Variants in ADCY1 observed in about 807,000 individuals in gnomAD.
ADCY1 encodes the protein adenylate cyclase type 1.
A neutral mutation model predicts 105.4 loss-of-function variants in ADCY1; 28 were observed. The ratio of observed to expected loss-of-function variants is 0.27; its 90% CI spans 0.20 to 0.36. The LOEUF is 0.36. ADCY1 is among the 10% of genes least tolerant of loss of function. The pLI is 1.00. For synonymous variants in ADCY1, 655 were observed against 623.8 expected (o/e 1.05, Z -0.75); for missense variants, 977 against 1,434.2 (o/e 0.68, Z 5.15).
At chr7:45,643,890 C>A (rs1794589066) in intron 4 of ADCY1, among the ~76,000 whole-genome samples, 1 of 152,186 alleles carries the variant, frequency 6.6e-6, no homozygotes, top group South Asian at 2.1e-4. Flanking sequence ...CCTCAGTCCT[C>A]CCCTGAGGCA....
intron 5 of ADCY1, 113 bp from the exon 6 acceptor site, chr7:45,657,614 C>A: frequency 8.6e-7 from 1 of 1,167,222 alleles, no homozygotes; most frequent in Non-Finnish European, 1.2e-6. Context: ...CCACATGCAG[C>A]AAGGACAAGA....
rs928709176 is a variant in ADCY1 at position 45,719,553 on chromosome 7, C to A, written c.*5558C>A. 2 of 152,172 alleles carry A rather than the reference C, an allele frequency of 1.3e-5. No homozygotes were observed. The highest frequency in any genetic ancestry group is 2.9e-5 in the Non-Finnish European group (2 of 68,034). 9.4% of individuals were successfully genotyped at this position (152,172 alleles called of 1,614,324 possible). A position where few individuals can be genotyped will look rare whatever the true frequency, so the allele number is the denominator to read the frequency against. ...CCCTGAAAATTTAATCTATTCTGTT[C>A]CATATGAAGTCTGTTTCACTACCTT... On this transcript the variant is annotated 3_prime_UTR_variant, in exon 20 of 20. Transcript: ENST00000297323.
intron 1 of ADCY1, among the ~76,000 whole-genome samples, chr7:45,588,672 C>T (rs886394594): frequency 1.3e-5 from 2 of 152,084 alleles, no homozygotes. Context: ...TCCTGCTCCT[C>T]CTGGCTGCCT....
In ADCY1 at chr7:45,583,937, G is replaced by GTTTTTTT. The variant is rs869216986; in HGVS notation, c.639+8777_639+8783dup. Among the ~76,000 whole-genome samples the GTTTTTTT allele has an allele frequency of 7.5e-3, 424 of 56,816 alleles. 25 individuals carry two copies. Among genetic ancestry groups the GTTTTTTT allele is most frequent in the East Asian group, 0.011 (15 of 1,386 alleles). The allele number at this position is 56,816 out of a possible 152,430, so 37.3% of individuals were successfully genotyped here. On this transcript the variant is annotated intron_variant, in intron 1 of 19. Transcript: ENST00000297323. ...TTACAGGCATGAGCCACTGTGCCCT[G>GTTTTTTT]TTTTTTTTTTTTTTTTTTTTTTTTT...
At chr7:45,696,675 G>A (rs528910517) in intron 14 of ADCY1, among the ~76,000 whole-genome samples, 4 of 152,258 alleles carry the variant, frequency 2.6e-5, no homozygotes, top group Admixed American at 1.3e-4. Flanking sequence ...TCCCCCGTAG[G>A]ATGGCCTCCC....
chr7:45,703,944 T>C lies in ADCY1; in HGVS notation c.2718+198T>C, dbSNP rs1163534964. ...GAGAGAAGGGGGTCTTGACTCTAGG[T>C]TGGGGGACCAGGGCCACTGGGTGGG... On this transcript the variant is annotated intron_variant, in intron 16 of 19. Coordinates refer to ENST00000297323, the MANE Select transcript of ADCY1 (RefSeq NM_021116.4). This position sits in a 1 kb window ranked among gnomAD's most constrained non-coding sequence, Gnocchi z 5.9. Among the ~76,000 whole-genome samples, 1 of 152,092 alleles carries C rather than the reference T, an allele frequency of 6.6e-6. No individual in the cohort carries two copies. Among genetic ancestry groups the C allele is most frequent in the East Asian group, 1.9e-4 (1 of 5,182 alleles).
At chr7:45,612,786 A>G (rs1562688533) in intron 3 of ADCY1, among the ~76,000 whole-genome samples, 1 of 152,224 alleles carries the variant, frequency 6.6e-6, no homozygotes, top group East Asian at 1.9e-4. Flanking sequence ...ATCTCTTGAT[A>G]GGTCTTGTAC....
chr7:45,653,109 G>A (rs1022211406), intron 5 of ADCY1, among the ~76,000 whole-genome samples: 2 of 152,226 alleles, frequency 1.3e-5, no homozygotes, highest in Non-Finnish European at 2.9e-5. Flanking sequence ...TTTGGGCCAG[G>A]TGGTTCCTGT....
intron 8 of ADCY1, among the ~76,000 whole-genome samples, chr7:45,666,532 G>A (rs1457570221): frequency 1.3e-5 from 2 of 152,178 alleles, no homozygotes; most frequent in African/African-American, 4.8e-5. Flanking sequence ...TGTCATTGTT[G>A]GACATTTGGG....
intron 2 of ADCY1, among the ~76,000 whole-genome samples, chr7:45,594,136 G>T (rs113913338): frequency 0.071 from 10,775 of 152,222 alleles, 387 homozygotes; most frequent in African/African-American, 0.083. Context: ...TTTGTAATCA[G>T]GTAGATGTGT....
intron 1 of ADCY1, among the ~76,000 whole-genome samples, chr7:45,578,010 G>A (rs1792399725): frequency 6.6e-6 from 1 of 152,210 alleles, no homozygotes; most frequent in African/African-American, 2.4e-5. Context: ...CCAAAGCAAG[G>A]CTCTCAGGGT....
chr7:45,698,896 C>G (rs1341949403), intron 14 of ADCY1, among the ~76,000 whole-genome samples: 5 of 152,144 alleles, frequency 3.3e-5, no homozygotes, highest in African/African-American at 1.2e-4. Context: ...CCAGAGTGAC[C>G]CCTGGTAGGC....
At chr7:45,659,963 C>T (rs1584312299) in intron 6 of ADCY1, 79 bp from the exon 7 acceptor site, 6 of 1,569,422 alleles carry the variant, frequency 3.8e-6, no homozygotes, top group Middle Eastern at 3.4e-4. Flanking sequence ...GTCTGTGCCC[C>T]TTCCCCTCTG....
chr7:45,659,116 A>C (rs1584311369), intron 6 of ADCY1, among the ~76,000 whole-genome samples: 1 of 150,758 alleles, frequency 6.6e-6, no homozygotes, highest in South Asian at 2.1e-4. Flanking sequence ...TCCTTCTCCC[A>C]CCCCCTGCTC....
chr7:45,713,127 C>T (rs1415103394), intron 19 of ADCY1, among the ~76,000 whole-genome samples: 2 of 152,146 alleles, frequency 1.3e-5, no homozygotes, highest in Non-Finnish European at 2.9e-5. Context: ...AGGGGGGTAC[C>T]TTCTGCCCCC....
chr7:45,672,359 A>T (rs1784382909), intron 8 of ADCY1, among the ~76,000 whole-genome samples: 2 of 152,156 alleles, frequency 1.3e-5, no homozygotes, highest in Admixed American at 6.5e-5. Context: ...TAAGTCTTAA[A>T]ATCAGGTAGA....
At chr7:45,665,356 G>A (rs923514038) in intron 8 of ADCY1, among the ~76,000 whole-genome samples, 1 of 152,188 alleles carries the variant, frequency 6.6e-6, no homozygotes, top group East Asian at 1.9e-4. Flanking sequence ...GGGTAGTTAC[G>A]CTCATCGCCC....
In ADCY1 at chr7:45,712,038, T is replaced by TA. The variant is rs1175722798; in HGVS notation, c.3057+1387dup. Among the ~76,000 whole-genome samples the TA allele has an allele frequency of 4.0e-4, 51 of 127,842 alleles. 1 individual carries two copies. Among genetic ancestry groups the TA allele is most frequent in the Non-Finnish European group, 5.2e-4 (33 of 63,946 alleles). The allele number at this position is 127,842 out of a possible 152,430, so 83.9% of individuals were successfully genotyped here. ...TATTTTATATATTATACTAAATATA[T>TA]ATTTTATATAATATATTAAATATAT... On this transcript the variant is annotated intron_variant, in intron 19 of 19. Coordinates refer to ENST00000297323, the MANE Select transcript of ADCY1 (RefSeq NM_021116.4).
chr7:45,628,155 G>A lies in ADCY1; in HGVS notation c.1020+5412G>A, dbSNP rs550666563. Among the ~76,000 whole-genome samples the A allele has an allele frequency of 5.9e-5, 9 of 152,320 alleles. No individual in the cohort carries two copies. In the South Asian group the frequency reaches 1.9e-3, roughly 32 times the overall value. ...CTTAGGGATAAGGAATCTGCATTTTGCTAACTGCCCTGGATTTTGCAGGCC... is the reference window on the plus strand; with the variant it reads ...CTTAGGGATAAGGAATCTGCATTTTACTAACTGCCCTGGATTTTGCAGGCC... On this transcript the variant is annotated intron_variant, in intron 4 of 19. Coordinates refer to ENST00000297323, the MANE Select transcript of ADCY1 (RefSeq NM_021116.4).
Sources: gnomAD v4.1 joint callset for allele counts (sites outside exome capture counted in the v4.1 genomes callset) on GRCh38, gnomAD v4.1.1 for gene constraint, Gnocchi (gnomAD v3.1) non-coding constraint, MANE v1.5 for transcripts, NCBI Gene and HGNC (gene_info 2026-07-23, HGNC 2026-07-21) for gene names.